MAP4: variants seen among roughly 807,000 people sequenced by gnomAD.
MAP4 encodes microtubule-associated protein 4.
Under a neutral mutation model 170.2 loss-of-function variants are expected in MAP4, and 76 were observed. That is an observed-to-expected ratio of 0.45 (90% CI 0.37 to 0.54). The LOEUF is 0.54. MAP4 is among the 20% of genes least tolerant of loss of function. MAP4 has a pLI of 0.00. For missense variants in MAP4, 2,506 were observed against 2,748.0 expected (o/e 0.91, Z 1.97); for synonymous variants, 909 against 994.5 (o/e 0.91, Z 1.62).
chr3:47,887,345 C>A (rs1263341411), intron 10 of MAP4, among the ~76,000 whole-genome samples: 1 of 152,240 alleles, frequency 6.6e-6, no homozygotes, highest in Non-Finnish European at 1.5e-5. Flanking sequence ...GGACTTAGCA[C>A]CCGGGCCAGT....
chr3:47,880,320 G>A (rs1180088496), intron 10 of MAP4, among the ~76,000 whole-genome samples: 2 of 144,888 alleles, frequency 1.4e-5, no homozygotes, highest in African/African-American at 5.2e-5. Flanking sequence ...ATGTTAGCCA[G>A]GATGGTCTCC....
intron 12 of MAP4, among the ~76,000 whole-genome samples, chr3:47,873,484 C>T (rs7638388): frequency 0.063 from 9,570 of 152,156 alleles, 421 homozygotes; most frequent in Non-Finnish European, 0.095. Context: ...AGCAGGATAT[C>T]GTTAAATGGA....
intron 1 of MAP4, among the ~76,000 whole-genome samples, chr3:48,060,258 C>T (rs892468042): frequency 2.0e-5 from 3 of 152,058 alleles, no homozygotes; most frequent in Non-Finnish European, 2.9e-5. Context: ...TCACTCATGC[C>T]TGTAAATGGT....
rs1244257497 is a variant in MAP4 at position 48,014,238 on chromosome 3, GT to G, written c.-20+2095del. ...TAATATCTAACTTAATTACACAGAA[GT>G]TCTGAAGAACCTTTTAAGCTCCATG... On this transcript the variant is annotated intron_variant, in intron 1 of 20. Coordinates refer to ENST00000683076, the MANE Select transcript of MAP4 (RefSeq NM_001385682.1). Among the ~76,000 whole-genome samples the G allele has an allele frequency of 2.0e-5, 3 of 152,168 alleles. No individual in the cohort carries two copies. The East Asian group carries it at 5.8e-4, about 29-fold the overall frequency.
At chr3:48,084,386 TAAA>T (rs548681084) in intron 1 of MAP4, among the ~76,000 whole-genome samples, 4 of 104,402 alleles carry the variant, frequency 3.8e-5, no homozygotes, top group Non-Finnish European at 4.0e-5. Flanking sequence ...ATCTCATCTC[TAAA>T]AAAAAAAAAA....
chr3:48,064,601 C>A (rs1000430892), intron 1 of MAP4, among the ~76,000 whole-genome samples: 1 of 152,118 alleles, frequency 6.6e-6, no homozygotes, highest in African/African-American at 2.4e-5. Context: ...GTTGAGCCAG[C>A]GGGCAAGGTG....
Position 47,914,871 on chromosome 3 carries a change from C to G in MAP4, c.1945G>C (p.Gly649Arg). 1 of 1,614,102 alleles carries G rather than the reference C, an allele frequency of 6.2e-7. No individual in the cohort carries two copies. Among genetic ancestry groups the G allele is most frequent in the Non-Finnish European group, 8.5e-7 (1 of 1,180,006 alleles). Residue 649 changes from glycine to arginine, a missense_variant, in exon 8 of 21, where the codon GGG becomes CGG. Coordinates refer to ENST00000683076, the MANE Select transcript of MAP4 (RefSeq NM_001385682.1). Reference protein sequence around the residue: ...AEEDSVLEKLGERKPCNSQPS... With the variant: ...AEEDSVLEKLRERKPCNSQPS... ...TGACTGTTGCATGGTTTCCTTTCCC[C>G]TAGTTTTTCTAACACAGAATCCTCC...
chr3:48,001,527 G>C (rs948510827), intron 1 of MAP4, among the ~76,000 whole-genome samples: 1 of 152,106 alleles, frequency 6.6e-6, no homozygotes, highest in African/African-American at 2.4e-5. Flanking sequence ...TAGTAGAAAA[G>C]AGCTGTTTCT....
chr3:48,034,291 G>A (rs1159553266), intron 1 of MAP4, among the ~76,000 whole-genome samples: 1 of 152,106 alleles, frequency 6.6e-6, no homozygotes, highest in Non-Finnish European at 1.5e-5. Flanking sequence ...TTATCAAAAA[G>A]CTTTTTGTTA....
chr3:47,903,050 G>A, intron 9 of MAP4, 50 bp from the exon 10 acceptor site: 4 of 790,428 alleles, frequency 5.1e-6, no homozygotes, highest in Non-Finnish European at 6.1e-6. Flanking sequence ...GCTTCACTAT[G>A]GCAAAGGGAG....
At chr3:47,887,131 G>A (rs544302489) in intron 10 of MAP4, among the ~76,000 whole-genome samples, 1 of 152,346 alleles carries the variant, frequency 6.6e-6, no homozygotes, top group East Asian at 1.9e-4. Flanking sequence ...TTGGCCCGCC[G>A]CTGCACTGTG....
intron 3 of MAP4, chr3:47,973,025 G>A (rs1465976761): frequency 1.2e-5 from 12 of 985,030 alleles, no homozygotes; most frequent in Non-Finnish European, 1.4e-5. Flanking sequence ...TACCCAACTT[G>A]TGTTTTAGTA....
chr3:48,083,851 C>A (rs543103721), intron 1 of MAP4, among the ~76,000 whole-genome samples: 2 of 150,834 alleles, frequency 1.3e-5, no homozygotes, highest in African/African-American at 2.4e-5. Context: ...CTCAGCCTCG[C>A]GAGTAGCTGG....
chr3:47,860,179 G>C (rs1260714556), intron 17 of MAP4, among the ~76,000 whole-genome samples: 1 of 152,158 alleles, frequency 6.6e-6, no homozygotes, highest in Non-Finnish European at 1.5e-5. Flanking sequence ...TCCAAGCCCA[G>C]GGCCCTCACC....
chr3:48,022,451 T>C (rs994138985), intron 1 of MAP4, among the ~76,000 whole-genome samples: 5 of 152,190 alleles, frequency 3.3e-5, no homozygotes, highest in African/African-American at 1.2e-4. Context: ...CAGATGGGCT[T>C]ATTTCTAATT....
intron 1 of MAP4, among the ~76,000 whole-genome samples, chr3:48,062,256 G>A (rs2154559263): frequency 1.3e-5 from 2 of 152,218 alleles, no homozygotes; most frequent in Middle Eastern, 6.8e-3. Context: ...AATGGATTAA[G>A]GGCGGAGCAA....
intron 3 of MAP4, among the ~76,000 whole-genome samples, chr3:47,940,190 G>A (rs1194563338): frequency 2.0e-5 from 3 of 152,080 alleles, no homozygotes; most frequent in Admixed American, 6.6e-5. Flanking sequence ...TCCACAGGGT[G>A]CAGCACAGCC....
chr3:47,894,396 C>G (rs2100025689), intron 10 of MAP4, among the ~76,000 whole-genome samples: 1 of 151,914 alleles, frequency 6.6e-6, no homozygotes, highest in South Asian at 2.1e-4. Context: ...TCCTGGCTAA[C>G]ATGGTGAAAC....
chr3:47,933,288 A>G (rs1019765498), intron 3 of MAP4, among the ~76,000 whole-genome samples: 2 of 152,154 alleles, frequency 1.3e-5, no homozygotes, highest in Non-Finnish European at 2.9e-5. Context: ...GTAATAAAAA[A>G]ATGTTCTAAC....
Sources: gnomAD v4.1 joint callset for allele counts (sites outside exome capture counted in the v4.1 genomes callset) on GRCh38, gnomAD v4.1.1 for gene constraint, MANE v1.5 for transcripts, NCBI Gene and HGNC (gene_info 2026-07-23, HGNC 2026-07-21) for gene names.